OR10K2: variants seen among roughly 807,000 people sequenced by gnomAD.
OR10K2 encodes olfactory receptor family 10 subfamily K member 2, also known as olfactory receptor 10K2.
For missense variants in OR10K2, 401 were observed against 367.1 expected (o/e 1.09, Z -0.76); for synonymous variants, 169 against 146.4 (o/e 1.15, Z -1.11).
Position 158,418,958 on chromosome 1 carries a change from T to C in OR10K2, c.*970A>G, listed in dbSNP as rs1296469862. 6.6e-6 allele frequency: 1 copy of C among 152,070 alleles called. No homozygotes were observed. Among genetic ancestry groups the C allele is most frequent in the African/African-American group, 2.4e-5 (1 of 41,422 alleles). 9.4% of individuals were successfully genotyped at this position (152,070 alleles called of 1,614,324 possible). A position where few individuals can be genotyped will look rare whatever the true frequency, so the allele number is the denominator to read the frequency against. ...ATCTTTAGCTTGCCTTGCCTGGTCA[T>C]TTAGGGTGATTTTAGGTCTTGTCAT... On this transcript the variant is annotated 3_prime_UTR_variant, in exon 2 of 2. Coordinates refer to ENST00000641042, the MANE Select transcript of OR10K2 (RefSeq NM_001004476.2).
chr1:158,419,886 A>G lies in OR10K2; in HGVS notation c.*42T>C. ...CTCAGCCTTCCAAAATGCTGGGATT[A>G]CAGTCGTGAGAAACTGCACCTGGCC... On this transcript the variant is annotated 3_prime_UTR_variant, in exon 2 of 2. Transcript: ENST00000641042. 1.3e-6 allele frequency: 2 copies of G among 1,543,336 alleles called. No individual in the cohort carries two copies. Among genetic ancestry groups the G allele is most frequent in the East Asian group, 2.3e-5 (1 of 44,264 alleles).
At chr1:158,421,766 A>C (rs2101647691) in intron 1 of OR10K2, among the ~76,000 whole-genome samples, 1 of 152,282 alleles carries the variant, frequency 6.6e-6, no homozygotes, top group South Asian at 2.1e-4. Context: ...CAAAAATTTT[A>C]CTTATGGCTA....
In OR10K2 at chr1:158,419,648, T is replaced by A; in HGVS notation, c.*280A>T. The stretch of plus-strand genomic sequence containing the variant: ...TTTTTTTTTTGAGACAGAGTCTTAC[T>A]CTGTCGCCCAGGCTGGAGTGCAGTG... On this transcript the variant is annotated 3_prime_UTR_variant, in exon 2 of 2. Coordinates refer to ENST00000641042, the MANE Select transcript of OR10K2 (RefSeq NM_001004476.2). The A allele has an allele frequency of 4.8e-6, 1 of 210,206 alleles. No individual in the cohort carries two copies. The highest frequency in any genetic ancestry group is 5.5e-5 in the Admixed American group (1 of 18,124). 13.0% of individuals were successfully genotyped at this position (210,206 alleles called of 1,614,324 possible). A position where few individuals can be genotyped will look rare whatever the true frequency, so the allele number is the denominator to read the frequency against.
Position 158,419,941 on chromosome 1 carries a change from A to G in OR10K2, c.926T>C (p.Ile309Thr), listed in dbSNP as rs552570656. Residue 309 changes from isoleucine to threonine, a missense_variant, in exon 2 of 2, where the codon ATT (isoleucine) becomes ACT (threonine). Transcript: ENST00000641042. ...TCAAGATTAATTTTACAACAGGGAA[A>G]TTGTTCTTCTCACAATTTTACAAAG... The part of the protein sequence containing the change: ...SALCKIVRRT[I>T]SLL 3.0e-5 allele frequency: 49 copies of G among 1,609,340 alleles called. 1 individual carries two copies. The South Asian group carries it at 5.1e-4, about 17-fold the overall frequency.
Position 158,420,626 on chromosome 1 carries a change from T to A in OR10K2, c.241A>T (p.Met81Leu), listed in dbSNP as rs1457810978. ...TTCTGGGACAGCAGGTCAACCAGCATCTTGGGTACAATGATGAAGGTGTAG... is the reference window on the plus strand; with the variant it reads ...TTCTGGGACAGCAGGTCAACCAGCAACTTGGGTACAATGATGAAGGTGTAG... ...ICYTFIIVPK[M>L]LVDLLSQKKT... Residue 81 changes from methionine (M) to leucine (L), a missense_variant, in exon 2 of 2, where the codon ATG (methionine) becomes TTG (leucine). Met to Leu is a conservative substitution (Grantham distance 15, BLOSUM62 2). Transcript: ENST00000641042. 6.2e-7 allele frequency: 1 copy of A among 1,613,896 alleles called. No homozygotes were observed. Among genetic ancestry groups the A allele is most frequent in the Non-Finnish European group, 8.5e-7 (1 of 1,179,896 alleles).
rs1394705276 is a variant in OR10K2, at chr1:158,418,244, T to A, written c.*1684A>T. 6.6e-6 allele frequency: 1 copy of A among 152,164 alleles called. No individual in the cohort carries two copies. The highest frequency in any genetic ancestry group is 1.5e-5 in the Non-Finnish European group (1 of 68,016). The allele number at this position is 152,164 out of a possible 1,614,324, so 9.4% of individuals were successfully genotyped here. A position where few individuals can be genotyped will look rare whatever the true frequency, so the allele number is the denominator to read the frequency against. ...AGGCAAGTCATTTTATTTGTCTGAG[T>A]GTCATTTTTCTCATCTACAAAATGT... On this transcript the variant is annotated 3_prime_UTR_variant, in exon 2 of 2. Coordinates refer to ENST00000641042, the MANE Select transcript of OR10K2 (RefSeq NM_001004476.2).
At chr1:158,424,159 T>C (rs1427607200) in intron 1 of OR10K2, among the ~76,000 whole-genome samples, 1 of 152,074 alleles carries the variant, frequency 6.6e-6, no homozygotes, top group Admixed American at 6.6e-5. Flanking sequence ...TGAGTCTAAA[T>C]GCCATTACTT....
In OR10K2 at chr1:158,420,226, A is replaced by T. The variant is rs745822056; in HGVS notation, c.641T>A (p.Ile214Asn). 1.1e-5 allele frequency: 18 copies of T among 1,613,832 alleles called. No individual in the cohort carries two copies. The highest frequency in any genetic ancestry group is 1.4e-5 in the Non-Finnish European group (16 of 1,179,890). The change falls in exon 2 of 2, where the codon ATC (isoleucine) becomes AAC (asparagine). Residue 214 changes from isoleucine (I) to asparagine (N), a missense_variant. Transcript: ENST00000641042. ...GAGGATGTGAACATAGGACACCAAG[A>T]TCAACAATAAGGGGATAGCCAGGAC... ...TLVLAIPLLL[I>N]LVSYVHILSA...
intron 1 of OR10K2, among the ~76,000 whole-genome samples, chr1:158,424,273 A>G (rs1392468309): frequency 6.6e-6 from 1 of 152,050 alleles, no homozygotes; most frequent in Non-Finnish European, 1.5e-5. Context: ...AGACACACTA[A>G]TTATTCTCCC....
chr1:158,420,989 T>TGA, intron 1 of OR10K2, 62 bp from the exon 2 acceptor site: 1 of 865,296 alleles, frequency 1.2e-6, no homozygotes, highest in Non-Finnish European at 1.7e-6. Flanking sequence ...TTTTGAATTC[T>TGA]GAACTCATCT....
Position 158,419,843 on chromosome 1 carries a change from C to T in OR10K2, c.*85G>A, listed in dbSNP as rs188954264. On this transcript the variant is annotated 3_prime_UTR_variant, in exon 2 of 2. Transcript: ENST00000641042. ...GCCAGGCTGGTCTTGAAGTCCTGAC[C>T]TCAGGTGATCCACCTGTCTCAGCCT... is the stretch of plus-strand genomic sequence containing the variant. 291 of 1,150,714 alleles carry T rather than the reference C, an allele frequency of 2.5e-4. 1 individual carries two copies. The East Asian group carries it at 6.9e-3, about 27-fold the overall frequency. The allele number at this position is 1,150,714 out of a possible 1,614,324, so 71.3% of individuals were successfully genotyped here.
rs1319986373 is a variant in OR10K2 at position 158,420,511 on chromosome 1, C to T, written c.356G>A (p.Gly119Asp). 1 of 1,613,802 alleles carries T rather than the reference C, an allele frequency of 6.2e-7. No homozygotes were observed. The highest frequency in any genetic ancestry group is 8.5e-7 in the Non-Finnish European group (1 of 1,179,894). The change falls in exon 2 of 2, where the codon GGT becomes GAT. Residue 119 changes from glycine to aspartate, a missense_variant. Coordinates refer to ENST00000641042, the MANE Select transcript of OR10K2 (RefSeq NM_001004476.2). ...CSHSFLLAVM[G>D]YDRYIAICNP... ...ACAGATGGCTATGTAACGATCATAACCCATGACTGCCAGCAGAAAGGAGTG... is the reference window on the plus strand; with the variant it reads ...ACAGATGGCTATGTAACGATCATAATCCATGACTGCCAGCAGAAAGGAGTG...
chr1:158,424,279 C>T (rs867505351), intron 1 of OR10K2, among the ~76,000 whole-genome samples: 11 of 152,028 alleles, frequency 7.2e-5, no homozygotes, highest in African/African-American at 2.4e-4. Flanking sequence ...ACTAATTATT[C>T]TCCCTTTTCT....
intron 1 of OR10K2, among the ~76,000 whole-genome samples, chr1:158,423,015 A>G (rs1405278599): frequency 6.6e-6 from 1 of 152,054 alleles, no homozygotes. Context: ...TTGGAGAAAT[A>G]TCATAACACA....
In OR10K2 at chr1:158,423,766, C is replaced by A. The variant is rs73019739; in HGVS notation, c.-62+2167G>T. Among the ~76,000 whole-genome samples, 1,270 of 152,056 alleles carry A rather than the reference C, an allele frequency of 8.4e-3. 18 individuals carry two copies. Among genetic ancestry groups the A allele is most frequent in the African/African-American group, 0.029 (1,191 of 41,512 alleles). ...TATTCTTCCCTTGAGGCTCTCCAAG[C>A]CTGACTGAAAGTAACTTGGTTTTCC... On this transcript the variant is annotated intron_variant, in intron 1 of 1. Transcript: ENST00000641042.
Position 158,420,759 on chromosome 1 carries a change from C to A in OR10K2, c.108G>T (p.Leu36=), listed in dbSNP as rs752883273. ...LLFVIFLLLY[L]FTLGTNAIII... Reference sequence around the variant, plus strand: ...TGATTGCATTGGTGCCCAGAGTGAACAGGTAGAGGAGCAGGAAGATAACAA... The same window carrying A: ...TGATTGCATTGGTGCCCAGAGTGAAAAGGTAGAGGAGCAGGAAGATAACAA... Residue 36 remains leucine (L), a synonymous_variant, in exon 2 of 2, where the codon CTG becomes CTT. Coordinates refer to ENST00000641042, the MANE Select transcript of OR10K2 (RefSeq NM_001004476.2). 3 of 1,613,660 alleles carry A rather than the reference C, an allele frequency of 1.9e-6. No individual in the cohort carries two copies. The highest frequency in any genetic ancestry group is 2.5e-6 in the Non-Finnish European group (3 of 1,179,824).
intron 1 of OR10K2, among the ~76,000 whole-genome samples, chr1:158,425,639 C>A (rs1007349789): frequency 9.6e-6 from 1 of 104,580 alleles, no homozygotes; most frequent in African/African-American, 3.7e-5. Flanking sequence ...TGTGTAGATC[C>A]TATCTGATAC....
Position 158,424,920 on chromosome 1 carries a change from G to A in OR10K2, c.-62+1013C>T, listed in dbSNP as rs144481386. ...ATCAATTTTCTCATCTTTGTAATGCGGTTCATTCATTCTGATGTCAGCTAA... is the reference window on the plus strand; with the variant it reads ...ATCAATTTTCTCATCTTTGTAATGCAGTTCATTCATTCTGATGTCAGCTAA... On this transcript the variant is annotated intron_variant, in intron 1 of 1. Transcript: ENST00000641042. 8.1e-3 allele frequency among the ~76,000 whole-genome samples: 1,235 copies of A among 152,002 alleles called. 23 individuals are homozygous for A. The highest frequency in any genetic ancestry group is 0.027 in the African/African-American group (1,134 of 41,484).
In OR10K2 at chr1:158,420,038, A is replaced by G. The variant is rs1557860418; in HGVS notation, c.829T>C (p.Ser277Pro). 1 of 1,613,728 alleles carries G rather than the reference A, an allele frequency of 6.2e-7. No individual in the cohort carries two copies. Among genetic ancestry groups the G allele is most frequent in the Non-Finnish European group, 8.5e-7 (1 of 1,179,802 alleles). The change falls in exon 2 of 2, where the codon TCC becomes CCC. Residue 277 changes from serine to proline, a missense_variant. Transcript: ENST00000641042. ...SSSQDALISV[S>P]YTIITPLFNP... Reference sequence around the variant, plus strand: ...AACAATGGAGTTATAATAGTGTAGGATACTGATATTAGAGCATCCTGGCTT... The same window carrying G: ...AACAATGGAGTTATAATAGTGTAGGGTACTGATATTAGAGCATCCTGGCTT...
Sources: allele counts gnomAD v4.1 joint callset (sites outside exome capture counted in the v4.1 genomes callset), GRCh38; gene constraint gnomAD v4.1.1; transcripts MANE v1.5; gene names NCBI Gene and HGNC (gene_info 2026-07-23, HGNC 2026-07-21).